Variants in FILIP1L observed in about 807,000 individuals in gnomAD.
The protein encoded by FILIP1L is filamin A interacting protein 1 like.
Under a neutral mutation model 96.6 loss-of-function variants are expected in FILIP1L, and 55 were observed. The ratio of observed to expected loss-of-function variants is 0.57; its 90% CI spans 0.46 to 0.71. The LOEUF (loss-of-function observed/expected upper bound fraction) is 0.71. FILIP1L is among the 30% of genes least tolerant of loss of function. The pLI, the probability that FILIP1L is intolerant of heterozygous loss-of-function variation, is 0.00. For missense variants in FILIP1L, 1,304 were observed against 1,321.2 expected, an observed-to-expected ratio of 0.99 and a Z score of 0.20; for synonymous variants, 467 against 473.9, an observed-to-expected ratio of 0.99 and a Z score of 0.19.
At chr3:99,973,241 CTCT>C (rs1202048096) in intron 1 of FILIP1L, among the ~76,000 whole-genome samples, 12 of 152,106 alleles carry the variant, frequency 7.9e-5, no homozygotes, top group Non-Finnish European at 1.6e-4. Context: ...AATTTTTTTT[CTCT>C]TCTTGTGATC....
chr3:99,861,633 G>A (rs953782529), intron 4 of FILIP1L, among the ~76,000 whole-genome samples: 2 of 152,136 alleles, frequency 1.3e-5, no homozygotes, highest in Non-Finnish European at 2.9e-5. Context: ...CAGGGATAAT[G>A]TCTTCCCTAC....
intron 5 of FILIP1L, among the ~76,000 whole-genome samples, chr3:99,841,194 C>G (rs532706843): frequency 6.6e-6 from 1 of 152,198 alleles, no homozygotes. Context: ...GCATAAGGAT[C>G]GTTTCCACTC....
intron 1 of FILIP1L, among the ~76,000 whole-genome samples, chr3:100,051,744 C>A (rs1179220821): frequency 1.3e-5 from 2 of 151,574 alleles, no homozygotes; most frequent in African/African-American, 4.8e-5. Flanking sequence ...TTTTCTTAAT[C>A]TAGTCGATCA....
chr3:99,917,863 T>C (rs1375929239), intron 4 of FILIP1L, among the ~76,000 whole-genome samples: 2 of 152,224 alleles, frequency 1.3e-5, no homozygotes, highest in African/African-American at 2.4e-5. Flanking sequence ...AATCCTAGGC[T>C]TGAGGTAAAA....
chr3:99,983,884 A>G (rs185626952), intron 1 of FILIP1L, among the ~76,000 whole-genome samples: 23 of 152,238 alleles, frequency 1.5e-4, no homozygotes, highest in Admixed American at 1.5e-3. Context: ...AGAAGAAGTA[A>G]CAGCACAGAT....
chr3:99,847,887 T>C lies in FILIP1L; in HGVS notation c.3381+408A>G, dbSNP rs186768259. 6.8e-5 allele frequency: 64 copies of C among 943,574 alleles called. No individual in the cohort carries two copies. The African/African-American group carries it at 1.1e-3, about 16-fold the overall frequency. The allele number at this position is 943,574 out of a possible 1,614,324, so 58.5% of individuals were successfully genotyped here. On this transcript the variant is annotated intron_variant, in intron 5 of 5. Transcript: ENST00000477258. ...CAAAATTCTATTGTACATGCAGAAA[T>C]ATAACACAGAATGACCAAAAGAAAA... is the stretch of plus-strand genomic sequence containing the variant.
chr3:100,059,241 A>G (rs2065517926), intron 1 of FILIP1L, among the ~76,000 whole-genome samples: 1 of 152,248 alleles, frequency 6.6e-6, no homozygotes, highest in Non-Finnish European at 1.5e-5. Flanking sequence ...TCCTTTAAAA[A>G]ATACAATGCC....
intron 1 of FILIP1L, among the ~76,000 whole-genome samples, chr3:100,107,838 A>G (rs1576070903): frequency 6.6e-6 from 1 of 151,612 alleles, no homozygotes; most frequent in Admixed American, 6.6e-5. Context: ...AATCTTCATT[A>G]CATGATTTAT....
chr3:99,929,309 C>T (rs1158554268), intron 3 of FILIP1L, among the ~76,000 whole-genome samples: 3 of 152,158 alleles, frequency 2.0e-5, no homozygotes, highest in African/African-American at 7.2e-5. Flanking sequence ...TCTTTGCTGT[C>T]ATTAAACTTT....
intron 1 of FILIP1L, among the ~76,000 whole-genome samples, chr3:99,993,129 C>G (rs1039707830): frequency 2.6e-5 from 4 of 151,894 alleles, no homozygotes; most frequent in African/African-American, 9.7e-5. Context: ...CTTAGGATTT[C>G]TTTGGCTATT....
chr3:99,859,558 CTTTA>C (rs906939705), intron 4 of FILIP1L, among the ~76,000 whole-genome samples: 2 of 152,154 alleles, frequency 1.3e-5, no homozygotes, highest in African/African-American at 2.4e-5. Flanking sequence ...CATCACACTC[CTTTA>C]TTTATTTTTA....
chr3:100,074,797 G>A (rs1002558079), intron 1 of FILIP1L, among the ~76,000 whole-genome samples: 8 of 144,312 alleles, frequency 5.5e-5, no homozygotes, highest in East Asian at 2.1e-4. Flanking sequence ...GGGTTCAAGC[G>A]ATTCTCTTAC....
At chr3:100,018,773 C>G (rs1710419123) in intron 1 of FILIP1L, among the ~76,000 whole-genome samples, 1 of 151,526 alleles carries the variant, frequency 6.6e-6, no homozygotes, top group Non-Finnish European at 1.5e-5. Flanking sequence ...GAAAAGGCAG[C>G]CTATGAAATG....
chr3:99,984,064 G>GTGTGTGTGTGTGTGTT (rs1485556007), intron 1 of FILIP1L, among the ~76,000 whole-genome samples: 4 of 152,054 alleles, frequency 2.6e-5, no homozygotes, highest in South Asian at 2.1e-4. Context: ...GTGTGTTTGT[G>GTGTGTGTGTGTGTGTT]TGTGTGTGTG....
At position 99,850,539 on chromosome 3, in the gene FILIP1L, C is replaced by G. The variant is rs1417142023; in HGVS notation, c.1137G>C (p.Val379=). The change falls in exon 5 of 6, where the codon GTG becomes GTC. Residue 379 remains valine (V), a synonymous_variant. Transcript: ENST00000477258. ...CTTCATCTTTCCCTTCCATATCTAGCACACGTTTCCTGAGCTCTTCCACTT... is the reference window on the plus strand; with the variant it reads ...CTTCATCTTTCCCTTCCATATCTAGGACACGTTTCCTGAGCTCTTCCACTT... ...MAEVEELRKR[V]LDMEGKDEEL... is the part of the protein sequence containing the mutation. 6.2e-7 allele frequency: 1 copy of G among 1,613,672 alleles called. No homozygotes were observed. Among genetic ancestry groups the G allele is most frequent in the Non-Finnish European group, 8.5e-7 (1 of 1,179,968 alleles).
At chr3:99,897,097 G>T (rs567750700) in intron 4 of FILIP1L, among the ~76,000 whole-genome samples, 1 of 152,066 alleles carries the variant, frequency 6.6e-6, no homozygotes, top group Non-Finnish European at 1.5e-5. Context: ...GGTGGCTCAC[G>T]CCTGTAATCC....
chr3:100,079,170 A>G lies in FILIP1L; in HGVS notation c.-11+34883T>C, dbSNP rs2065895759. Among the ~76,000 whole-genome samples, 5 of 152,204 alleles carry G rather than the reference A, an allele frequency of 3.3e-5. No individual in the cohort carries two copies. In the South Asian group the frequency reaches 1.0e-3, roughly 31 times the overall value. ...AGCAGTCTTTTACAGTCTTTACAGC[A>G]TGGTGACTGGCTTACGAGAATGCAA... is the stretch of plus-strand genomic sequence containing the variant. On this transcript the variant is annotated intron_variant, in intron 1 of 5. Coordinates refer to ENST00000477258, the MANE Select transcript of FILIP1L (RefSeq NM_001387850.1).
rs764336102 is a variant in FILIP1L at position 99,938,070 on chromosome 3, TGTGTGC to T, written c.-10-7046_-10-7041del. ...CAGGAAGTGTGTGTGTGTGTGTGTG[TGTGTGC>T]GCGCGCGCGCGCGCGTGCATGCACA... On this transcript the variant is annotated intron_variant, in intron 1 of 5. Coordinates refer to ENST00000477258, the MANE Select transcript of FILIP1L (RefSeq NM_001387850.1). 9.7e-3 allele frequency among the ~76,000 whole-genome samples: 940 copies of T among 96,870 alleles called. 7 individuals carry two copies. The highest frequency in any genetic ancestry group is 0.029 in the African/African-American group (686 of 23,330). The allele number at this position is 96,870 out of a possible 152,430, so 63.6% of individuals were successfully genotyped here.
chr3:99,943,101 T>C (rs1707899783), intron 1 of FILIP1L, among the ~76,000 whole-genome samples: 1 of 152,144 alleles, frequency 6.6e-6, no homozygotes, highest in Non-Finnish European at 1.5e-5. Context: ...ATCCCTCAGC[T>C]GGGGCAAAGC....
Sources: allele counts gnomAD v4.1 joint callset (sites outside exome capture counted in the v4.1 genomes callset), GRCh38; gene constraint gnomAD v4.1.1; transcripts MANE v1.5; gene names NCBI Gene and HGNC (gene_info 2026-07-23, HGNC 2026-07-21).